PDS5A: variants seen among roughly 807,000 people sequenced by gnomAD.
The protein encoded by PDS5A is PDS5 cohesin associated factor A, also known as sister chromatid cohesion protein PDS5 homolog A.
Under a neutral mutation model 167.1 loss-of-function variants are expected in PDS5A, and 42 were observed. The observed-to-expected ratio is 0.25, with a 90% CI of 0.20 to 0.33. The LOEUF is 0.33. Ranked by LOEUF, PDS5A falls within the 10% of genes least tolerant of loss-of-function variation. The probability of loss-of-function intolerance (pLI) is 1.00; values close to 1 mark genes in which losing one functional copy is unlikely to be tolerated. For missense variants in PDS5A, 1,033 were observed against 1,605.9 expected, an observed-to-expected ratio of 0.64 and a Z score of 6.10; for synonymous variants, 553 against 554.6, an observed-to-expected ratio of 1.00 and a Z score of 0.04.
chr4:39,962,246 C>T (rs956578863), intron 2 of PDS5A, among the ~76,000 whole-genome samples: 17 of 151,728 alleles, frequency 1.1e-4, no homozygotes, highest in East Asian at 5.9e-4. Context: ...TTAGTAGAGA[C>T]GGGGTTTCAC....
At position 39,972,390 on chromosome 4, in the gene PDS5A, C is replaced by T. The variant is rs530082649; in HGVS notation, c.138+4050G>A. ...CAAAAATTAGCTGGGCATAGTGGCACGCACCTCTAATCCCAGCTACTTGGG... is the reference window on the plus strand; with the variant it reads ...CAAAAATTAGCTGGGCATAGTGGCATGCACCTCTAATCCCAGCTACTTGGG... On this transcript the variant is annotated intron_variant, in intron 2 of 32. Transcript: ENST00000303538. 3.9e-5 allele frequency among the ~76,000 whole-genome samples: 6 copies of T among 152,180 alleles called. No homozygotes were observed. In the East Asian group the frequency reaches 1.2e-3, roughly 29 times the overall value.
intron 2 of PDS5A, among the ~76,000 whole-genome samples, chr4:39,959,305 ATTTT>A (rs1295690205): frequency 1.3e-5 from 2 of 152,122 alleles, no homozygotes; most frequent in Non-Finnish European, 1.5e-5. Context: ...CTCTTTTTAA[ATTTT>A]TTTATTTTAT....
intron 2 of PDS5A, among the ~76,000 whole-genome samples, chr4:39,955,797 TA>T (rs935702641): frequency 7.5e-5 from 11 of 145,832 alleles, no homozygotes; most frequent in Admixed American, 2.8e-4. Context: ...AAAACTGCCC[TA>T]AAAAAAAAAG....
chr4:39,855,484 A>G lies in PDS5A; in HGVS notation c.3087-5832T>C, dbSNP rs1383847440. 3.3e-5 allele frequency among the ~76,000 whole-genome samples: 5 copies of G among 152,232 alleles called. No homozygotes were observed. The South Asian group carries it at 8.3e-4, about 25-fold the overall frequency. ...GGCAAATATGACTAATTCACAGGGAAGAAGAAAGAATTAGGAATTAACCCT... is the reference window on the plus strand; with the variant it reads ...GGCAAATATGACTAATTCACAGGGAGGAAGAAAGAATTAGGAATTAACCCT... On this transcript the variant is annotated intron_variant, in intron 26 of 32. Coordinates refer to ENST00000303538, the MANE Select transcript of PDS5A (RefSeq NM_001100399.2).
rs528992143 is a variant in PDS5A, at chr4:39,900,330, A to G, written c.1581+96T>C. 15 of 717,276 alleles carry G rather than the reference A, an allele frequency of 2.1e-5. No homozygotes were observed. The African/African-American group carries it at 2.6e-4, about 13-fold the overall frequency. 44.4% of individuals were successfully genotyped at this position (717,276 alleles called of 1,614,324 possible). On this transcript the variant is annotated intron_variant, in intron 14 of 32. Coordinates refer to ENST00000303538, the MANE Select transcript of PDS5A (RefSeq NM_001100399.2). ...TAACTGACATTTGGAAAATAAAACA[A>G]CTGAGATACTTTTTCCCTGCTTCAT... is the stretch of plus-strand genomic sequence containing the variant.
intron 30 of PDS5A, among the ~76,000 whole-genome samples, chr4:39,842,274 A>C (rs1350591105): frequency 6.6e-6 from 1 of 152,232 alleles, no homozygotes; most frequent in Admixed American, 6.5e-5. Flanking sequence ...TTTTGCCTTA[A>C]TAACATTAAG....
chr4:39,894,982 CT>C (rs1177374281), intron 16 of PDS5A, among the ~76,000 whole-genome samples: 1 of 152,000 alleles, frequency 6.6e-6, no homozygotes, highest in Non-Finnish European at 1.5e-5. Context: ...AATCCCAGCA[CT>C]TTGGGAGGCC....
chr4:39,899,512 T>C (rs1443729116), intron 14 of PDS5A, among the ~76,000 whole-genome samples: 2 of 152,200 alleles, frequency 1.3e-5, no homozygotes, highest in Admixed American at 1.3e-4. Flanking sequence ...ACAGACTCTA[T>C]GCCTTGCAAA....
At chr4:39,920,179 T>C (rs1031602995) in intron 7 of PDS5A, 140 bp downstream of exon 7, 6 of 388,928 alleles carry the variant, frequency 1.5e-5, no homozygotes, top group Admixed American at 9.1e-5. Context: ...ATGCTGCATT[T>C]CTCTAACCCT....
At chr4:39,973,718 A>T (rs760411485) in intron 2 of PDS5A, 5 of 1,286,952 alleles carry the variant, frequency 3.9e-6, no homozygotes, top group African/African-American at 1.5e-5. Flanking sequence ...CACTTCACTA[A>T]CCAGCATATG....
At chr4:39,857,916 G>A (rs73242418) in intron 26 of PDS5A, among the ~76,000 whole-genome samples, 3,379 of 152,034 alleles carry the variant, frequency 0.022, 51 homozygotes, top group Non-Finnish European at 0.034. Flanking sequence ...CAATTCTCCC[G>A]CCCCGGCCTC....
intron 10 of PDS5A, 24 bp downstream of exon 10, chr4:39,910,220 T>G (rs747468874): frequency 8.5e-7 from 1 of 1,175,766 alleles, no homozygotes; most frequent in South Asian, 1.3e-5. Flanking sequence ...TATGCTAATA[T>G]GTGTAATAAA....
intron 2 of PDS5A, among the ~76,000 whole-genome samples, chr4:39,954,656 T>C: frequency 7.5e-6 from 1 of 132,598 alleles, no homozygotes; most frequent in Admixed American, 8.0e-5. Context: ...AAGTACCCAT[T>C]GTCAAGAGAT....
chr4:39,927,603 T>C (rs1290896952), intron 3 of PDS5A, among the ~76,000 whole-genome samples: 1 of 152,184 alleles, frequency 6.6e-6, no homozygotes, highest in Non-Finnish European at 1.5e-5. Context: ...GGGAAAATAG[T>C]CATATGAATA....
At position 39,943,816 on chromosome 4, in the gene PDS5A, A is replaced by C. The variant is rs536283472; in HGVS notation, c.139-15652T>G. 2.0e-5 allele frequency among the ~76,000 whole-genome samples: 3 copies of C among 151,420 alleles called. No homozygotes were observed. The South Asian group carries it at 6.3e-4, about 32-fold the overall frequency. ...AGCGAACCGTATCAAAAACAAACAAACAACAACAACAACAAAAAGATCCAT... is the reference window on the plus strand; with the variant it reads ...AGCGAACCGTATCAAAAACAAACAACCAACAACAACAACAAAAAGATCCAT... On this transcript the variant is annotated intron_variant, in intron 2 of 32. Coordinates refer to ENST00000303538, the MANE Select transcript of PDS5A (RefSeq NM_001100399.2).
At chr4:39,915,053 T>A (rs1578732820) in intron 8 of PDS5A, among the ~76,000 whole-genome samples, 2 of 147,800 alleles carry the variant, frequency 1.4e-5, no homozygotes, top group South Asian at 4.4e-4. Context: ...TTTTTTTTTT[T>A]AAGAGGTAAG....
intron 5 of PDS5A, among the ~76,000 whole-genome samples, chr4:39,924,929 T>C (rs1725315372): frequency 6.6e-6 from 1 of 152,096 alleles, no homozygotes; most frequent in South Asian, 2.1e-4. Context: ...CTGGCCAACA[T>C]GGCAAAACTC....
In PDS5A at chr4:39,903,961, T is replaced by C. The variant is rs1039176437; in HGVS notation, c.1385+79A>G. The C allele has an allele frequency of 1.3e-5, 9 of 709,338 alleles. No individual in the cohort carries two copies. The East Asian group carries it at 2.5e-4, about 20-fold the overall frequency. 43.9% of individuals were successfully genotyped at this position (709,338 alleles called of 1,614,324 possible). On this transcript the variant is annotated intron_variant, in intron 12 of 32. Transcript: ENST00000303538. ...GAAGTAAATACATAAAAATAAGAAA[T>C]TACTAAAATATTAAATAGACATTTT...
At chr4:39,953,341 A>G (rs1453350260) in intron 2 of PDS5A, among the ~76,000 whole-genome samples, 1 of 152,120 alleles carries the variant, frequency 6.6e-6, no homozygotes, top group Non-Finnish European at 1.5e-5. Flanking sequence ...TTGGTATGAA[A>G]TAAGGGCAGG....
Sources: gnomAD v4.1 joint callset for allele counts (sites outside exome capture counted in the v4.1 genomes callset) on GRCh38, gnomAD v4.1.1 for gene constraint, MANE v1.5 for transcripts, NCBI Gene and HGNC (gene_info 2026-07-23, HGNC 2026-07-21) for gene names.